Variants in RIMS4 observed in about 807,000 individuals in gnomAD.
RIMS4 encodes regulating synaptic membrane exocytosis 4.
In RIMS4, 9 loss-of-function variants were observed where a neutral mutation model predicts 29.0. That is an observed-to-expected ratio of 0.31 (90% CI 0.19 to 0.54). The LOEUF (loss-of-function observed/expected upper bound fraction) is 0.54. Among genes scored for constraint, RIMS4 ranks in the 20% least tolerant of loss-of-function variants. The pLI, the probability that RIMS4 is intolerant of heterozygous loss-of-function variation, is 0.94. For missense variants in RIMS4, 193 were observed against 365.7 expected, an observed-to-expected ratio of 0.53 and a Z score of 3.85; for synonymous variants, 130 against 152.9, an observed-to-expected ratio of 0.85 and a Z score of 1.10.
At chr20:44,797,217 C>T (rs2066258841) in intron 1 of RIMS4, among the ~76,000 whole-genome samples, 1 of 152,226 alleles carries the variant, frequency 6.6e-6, no homozygotes. Context: ...ATCCATCTTG[C>T]TGCCTATTTT....
intron 1 of RIMS4, among the ~76,000 whole-genome samples, chr20:44,772,794 C>G (rs1426196915): frequency 6.6e-6 from 1 of 152,168 alleles, no homozygotes; most frequent in Non-Finnish European, 1.5e-5. Flanking sequence ...CCAATCACAC[C>G]CAGTCATCCT....
At chr20:44,795,223 T>C (rs1253391628) in intron 1 of RIMS4, among the ~76,000 whole-genome samples, 2 of 152,236 alleles carry the variant, frequency 1.3e-5, no homozygotes, top group African/African-American at 2.4e-5. Flanking sequence ...AGGTAGGCAA[T>C]GGAGCCAAGT....
chr20:44,757,034 G>A lies in RIMS4; in HGVS notation c.455C>T (p.Ala152Val). ...AKPGSKTLPA[A>V]YIKAYLLENG... ...CTCTAGCAGGTAGGCCTTGATGTAG[G>A]CCGCTGGGGATAGAGGCCAGCAGGG... The change falls in exon 5 of 6, where the codon GCC becomes GTC. Residue 152 changes from alanine (A) to valine (V), a missense_variant. Coordinates refer to ENST00000372851, the MANE Select transcript of RIMS4 (RefSeq NM_182970.4). 6.2e-7 allele frequency: 1 copy of A among 1,613,606 alleles called. No homozygotes were observed. The highest frequency in any genetic ancestry group is 1.1e-5 in the South Asian group (1 of 91,048).
At chr20:44,786,475 C>G (rs181256028) in intron 1 of RIMS4, among the ~76,000 whole-genome samples, 1 of 152,186 alleles carries the variant, frequency 6.6e-6, no homozygotes, top group Non-Finnish European at 1.5e-5. Flanking sequence ...CATTCATGCA[C>G]CCCATTTACA....
Position 44,754,823 on chromosome 20 carries a change from A to G in RIMS4, c.*1311T>C, listed in dbSNP as rs2066051357. 6.5e-6 allele frequency: 1 copy of G among 152,740 alleles called. No individual in the cohort carries two copies. The highest frequency in any genetic ancestry group is 6.5e-5 in the Admixed American group (1 of 15,282). The allele number at this position is 152,740 out of a possible 1,614,324, so 9.5% of individuals were successfully genotyped here. A position where few individuals can be genotyped will look rare whatever the true frequency, so the allele number is the denominator to read the frequency against. ...ACCTAGCTAACCTGGACTACGCCCT[A>G]CACAGCAGGGACTAGGTAAAGAGTG... On this transcript the variant is annotated 3_prime_UTR_variant, in exon 6 of 6. Transcript: ENST00000372851.
intron 2 of RIMS4, among the ~76,000 whole-genome samples, chr20:44,760,675 T>C (rs1334077754): frequency 2.6e-5 from 4 of 152,206 alleles, no homozygotes; most frequent in Admixed American, 2.6e-4. Flanking sequence ...CCAGGTGTTA[T>C]GGCCGGCGTC....
chr20:44,784,367 G>T (rs1027895722), intron 1 of RIMS4, among the ~76,000 whole-genome samples: 1 of 152,214 alleles, frequency 6.6e-6, no homozygotes, highest in African/African-American at 2.4e-5. Flanking sequence ...TCAACAGATG[G>T]CCAGCTTCCT....
intron 1 of RIMS4, among the ~76,000 whole-genome samples, chr20:44,772,872 C>T (rs1341542156): frequency 2.0e-5 from 3 of 152,148 alleles, no homozygotes; most frequent in Non-Finnish European, 4.4e-5. Context: ...CAGCTCCCGC[C>T]GGCCTTCTCC....
intron 1 of RIMS4, among the ~76,000 whole-genome samples, chr20:44,803,856 T>C (rs1029618758): frequency 2.6e-5 from 4 of 152,130 alleles, no homozygotes; most frequent in African/African-American, 9.7e-5. Context: ...CCAACTGTGA[T>C]AGGGATCAAC....
At chr20:44,797,637 C>G (rs1402657514) in intron 1 of RIMS4, among the ~76,000 whole-genome samples, 2 of 152,184 alleles carry the variant, frequency 1.3e-5, no homozygotes, top group East Asian at 1.9e-4. Flanking sequence ...GTACTTGATT[C>G]CTTGTGTCAG....
At chr20:44,771,162 G>A in intron 2 of RIMS4, 113 bp downstream of exon 2, 2 of 1,254,094 alleles carry the variant, frequency 1.6e-6, no homozygotes, top group Non-Finnish European at 2.1e-6. Flanking sequence ...CCCTGAGCTG[G>A]CGCTTTCACA....
At chr20:44,783,034 C>T (rs769419283) in intron 1 of RIMS4, among the ~76,000 whole-genome samples, 9 of 152,180 alleles carry the variant, frequency 5.9e-5, no homozygotes, top group Non-Finnish European at 7.3e-5. Flanking sequence ...TAAATTGCAG[C>T]TACTATTATA....
At chr20:44,770,913 T>C (rs532250778) in intron 2 of RIMS4, among the ~76,000 whole-genome samples, 1 of 152,316 alleles carries the variant, frequency 6.6e-6, no homozygotes, top group Non-Finnish European at 1.5e-5. Context: ...ATGCTGTGTA[T>C]AAATATCACC....
chr20:44,787,422 A>G (rs1431582346), intron 1 of RIMS4, among the ~76,000 whole-genome samples: 1 of 152,192 alleles, frequency 6.6e-6, no homozygotes, highest in African/African-American at 2.4e-5. Context: ...AATCCCCACA[A>G]CAATCTGTGA....
intron 2 of RIMS4, among the ~76,000 whole-genome samples, chr20:44,760,438 G>A (rs1194585017): frequency 1.3e-5 from 2 of 152,156 alleles, no homozygotes; most frequent in Non-Finnish European, 1.5e-5. Context: ...CAGGTGCACT[G>A]GAGAGAAGGG....
rs1282185472 is a variant in RIMS4 at position 44,756,018 on chromosome 20, TC to T, written c.*115del. On this transcript the variant is annotated 3_prime_UTR_variant, in exon 6 of 6. Transcript: ENST00000372851. The surrounding 1 kb of genome is among the most constrained non-coding windows in gnomAD (Gnocchi z 5.9). ...GGGGGGCAGGTCTCCCCGTTCTGCT[TC>T]CCCACTGTGGGGGAGAGCCCCGTCC... is the stretch of plus-strand genomic sequence containing the variant. 15 of 841,212 alleles carry T rather than the reference TC, an allele frequency of 1.8e-5. No individual in the cohort carries two copies. Among genetic ancestry groups the T allele is most frequent in the Non-Finnish European group, 2.7e-5 (14 of 525,074 alleles). 52.1% of individuals were successfully genotyped at this position (841,212 alleles called of 1,614,324 possible).
At chr20:44,794,150 A>C (rs2066244962) in intron 1 of RIMS4, among the ~76,000 whole-genome samples, 1 of 152,046 alleles carries the variant, frequency 6.6e-6, no homozygotes, top group Admixed American at 6.6e-5. Flanking sequence ...TCATGAGAAA[A>C]CTCACAAGAG....
In RIMS4 at chr20:44,756,338, C is replaced by T; in HGVS notation, c.606G>A (p.Gly202=). Residue 202 remains glycine, a synonymous_variant, in exon 6 of 6, where the codon GGG becomes GGA. Coordinates refer to ENST00000372851, the MANE Select transcript of RIMS4 (RefSeq NM_182970.4). The surrounding 1 kb of genome is among the most constrained non-coding windows in gnomAD (Gnocchi z 5.9). The part of the protein sequence containing the change: ...QGKVLQVIVW[G]NYGRMERKQF... Reference sequence around the variant, plus strand: ...GCTTCCGCTCCATCCGCCCGTAGTTCCCCCACACGATCACCTGTGGGGCAA... The same window carrying T: ...GCTTCCGCTCCATCCGCCCGTAGTTTCCCCACACGATCACCTGTGGGGCAA... 6.2e-7 allele frequency: 1 copy of T among 1,613,792 alleles called. No homozygotes were observed. The highest frequency in any genetic ancestry group is 8.5e-7 in the Non-Finnish European group (1 of 1,179,892).
At position 44,771,390 on chromosome 20, in the gene RIMS4, C is replaced by A; in HGVS notation, c.121G>T (p.Ala41Ser). Residue 41 changes from alanine to serine, a missense_variant, in exon 2 of 6, where the codon GCC becomes TCC. Coordinates refer to ENST00000372851, the MANE Select transcript of RIMS4 (RefSeq NM_182970.4). The part of the protein sequence containing the change: ...DAGDSRRLKG[A>S]IQRSTETGLA... ...CCCGTCTCCGTGCTCCTCTGGATGGCCCCCTTCAGCCTCCGGCTGTCCCCT... is the reference window on the plus strand; with the variant it reads ...CCCGTCTCCGTGCTCCTCTGGATGGACCCCTTCAGCCTCCGGCTGTCCCCT... 1.9e-6 allele frequency: 3 copies of A among 1,613,072 alleles called. No individual in the cohort carries two copies. Among genetic ancestry groups the A allele is most frequent in the South Asian group, 2.2e-5 (2 of 91,030 alleles).
Sources: gnomAD v4.1 joint callset for allele counts (sites outside exome capture counted in the v4.1 genomes callset) on GRCh38, gnomAD v4.1.1 for gene constraint, Gnocchi (gnomAD v3.1) non-coding constraint, MANE v1.5 for transcripts, NCBI Gene and HGNC (gene_info 2026-07-23, HGNC 2026-07-21) for gene names.